The following EXOSC10 variants were observed in gnomAD, a reference collection of about 807,000 sequenced individuals.
EXOSC10 encodes the protein exosome component 10.
A neutral mutation model predicts 126.6 loss-of-function variants in EXOSC10; 94 were observed. The ratio of observed to expected loss-of-function variants is 0.74; its 90% CI spans 0.63 to 0.88. The LOEUF is 0.88. Among genes scored for constraint, EXOSC10 ranks in the 40% least tolerant of loss-of-function variants. EXOSC10 has a pLI of 0.00. For missense variants in EXOSC10, 1,041 were observed against 1,100.5 expected, an observed-to-expected ratio of 0.95 and a Z score of 0.77; for synonymous variants, 395 against 400.8, an observed-to-expected ratio of 0.99 and a Z score of 0.17.
At chr1:11,083,538 G>A (rs1016171863) in intron 9 of EXOSC10, among the ~76,000 whole-genome samples, 1 of 129,024 alleles carries the variant, frequency 7.8e-6, no homozygotes, top group African/African-American at 3.3e-5. Context: ...CTCCAGCCTG[G>A]GCAACAAGAG....
intron 17 of EXOSC10, among the ~76,000 whole-genome samples, chr1:11,074,695 G>A (rs1639715651): frequency 6.6e-6 from 1 of 152,154 alleles, no homozygotes; most frequent in Non-Finnish European, 1.5e-5. Context: ...TTACAGGTGT[G>A]AGCCACCGCA....
intron 3 of EXOSC10, among the ~76,000 whole-genome samples, chr1:11,092,582 A>G (rs1383704830): frequency 6.9e-6 from 1 of 145,370 alleles, no homozygotes; most frequent in African/African-American, 2.6e-5. Context: ...CAGTGGTCCA[A>G]TCTCAGCTTG....
chr1:11,080,347 A>G, intron 13 of EXOSC10, 152 bp downstream of exon 13: 1 of 939,930 alleles, frequency 1.1e-6, no homozygotes, highest in Non-Finnish European at 1.6e-6. Flanking sequence ...GAGGGCAGAA[A>G]TTCTATATTC....
At chr1:11,080,710 T>C in intron 12 of EXOSC10, 54 bp downstream of exon 12, 1 of 1,607,944 alleles carries the variant, frequency 6.2e-7, no homozygotes, top group Non-Finnish European at 8.5e-7. Context: ...ATTTACTTGT[T>C]ATTAGATCTC....
At chr1:11,068,561 T>A in intron 23 of EXOSC10, 84 bp downstream of exon 23, 1 of 1,025,600 alleles carries the variant, frequency 9.8e-7, no homozygotes, top group Non-Finnish European at 1.5e-6. Context: ...AATGGACTCC[T>A]GGATGGGCCT....
intron 10 of EXOSC10, 142 bp from the exon 11 acceptor site, chr1:11,081,380 T>C (rs1640159094): frequency 1.2e-6 from 1 of 863,196 alleles, no homozygotes; most frequent in Non-Finnish European, 1.8e-6. Context: ...TATGCCAACA[T>C]TTCCTGCATT....
In EXOSC10 at chr1:11,079,839, A is replaced by C. The variant is rs779868003; in HGVS notation, c.1638-17T>G. On this transcript the variant is annotated splice_polypyrimidine_tract_variant and intron_variant, in intron 13 of 24. Coordinates refer to ENST00000376936, the MANE Select transcript of EXOSC10 (RefSeq NM_001001998.3). ...TGAGGTTCCCTGAAGACAAGTAAGA[A>C]CACACTCAACTTGTCACTCAGAAAC... 6.3e-7 allele frequency: 1 copy of C among 1,584,180 alleles called. No individual in the cohort carries two copies.
rs1163223523 is a variant in EXOSC10 at position 11,090,676 on chromosome 1, TC to T, written c.644-9del. 6.3e-7 allele frequency: 1 copy of T among 1,581,598 alleles called. No homozygotes were observed. The highest frequency in any genetic ancestry group is 2.2e-5 in the East Asian group (1 of 44,568). ...GCCTTTCCTTAGAGAGAGCTGGGGA[TC>T]CCAGCAGTGACAAAAACATCATTAG... is the stretch of plus-strand genomic sequence containing the variant. On this transcript the variant is annotated splice_polypyrimidine_tract_variant and intron_variant, in intron 5 of 24. Transcript: ENST00000376936.
At chr1:11,074,362 A>C (rs370181644) in intron 17 of EXOSC10, 36 bp from the exon 18 acceptor site, 73 of 1,435,170 alleles carry the variant, frequency 5.1e-5, no homozygotes, top group Non-Finnish European at 6.7e-5. Flanking sequence ...ACTAATGACC[A>C]TGATCATCTG....
At chr1:11,092,368 C>G (rs1006981876) in intron 3 of EXOSC10, among the ~76,000 whole-genome samples, 1 of 152,120 alleles carries the variant, frequency 6.6e-6, no homozygotes, top group Admixed American at 6.6e-5. Flanking sequence ...GCATGCACCA[C>G]CACGCCCAGC....
intron 13 of EXOSC10, 88 bp downstream of exon 13, chr1:11,080,411 T>C (rs1640076316): frequency 6.7e-7 from 1 of 1,501,512 alleles, no homozygotes; most frequent in Non-Finnish European, 9.2e-7. Flanking sequence ...TAAGCAGCCT[T>C]GGGTAATAGC....
In EXOSC10 at chr1:11,087,562, C is replaced by G. The variant is rs1366806726; in HGVS notation, c.975G>C (p.Leu325=). 1 of 1,614,082 alleles carries G rather than the reference C, an allele frequency of 6.2e-7. No homozygotes were observed. The highest frequency in any genetic ancestry group is 1.7e-5 in the Admixed American group (1 of 59,994). The change falls in exon 9 of 25, where the codon CTG becomes CTC. Residue 325 remains leucine (L), a synonymous_variant. Transcript: ENST00000376936. ...EHHSYRSFLG[L]TCLMQISTRT... ...GAGTAGAAATTTGCATCAGGCAGGT[C>G]AGTCCCAGGAAGCTCCTGTAAGAGT...
chr1:11,091,141 G>A lies in EXOSC10; in HGVS notation c.516C>T (p.Phe172=), dbSNP rs2100222358. The part of the protein sequence containing the change: ...EYGKKAKSET[F]RLLHAKNIIR... The stretch of plus-strand genomic sequence containing the variant: ...TGATATTTTTTGCATGAAGCAGCCG[G>A]AAAGTTTCAGATTTTGCTTTTTTGC... The change falls in exon 5 of 25, where the codon TTC becomes TTT. Residue 172 remains phenylalanine (F), a synonymous_variant. Transcript: ENST00000376936. 1 of 1,614,158 alleles carries A rather than the reference G, an allele frequency of 6.2e-7. No individual in the cohort carries two copies. Among genetic ancestry groups the A allele is most frequent in the Non-Finnish European group, 8.5e-7 (1 of 1,180,018 alleles).
intron 6 of EXOSC10, among the ~76,000 whole-genome samples, chr1:11,089,834 C>T (rs558635205): frequency 2.2e-4 from 34 of 152,026 alleles, no homozygotes; most frequent in African/African-American, 6.8e-4. Flanking sequence ...GTCACAGCTA[C>T]TTGGGAGGCA....
At position 11,090,300 on chromosome 1, in the gene EXOSC10, C is replaced by T. The variant is rs553836804; in HGVS notation, c.758+254G>A. Among the ~76,000 whole-genome samples, 212 of 152,234 alleles carry T rather than the reference C, an allele frequency of 1.4e-3. 1 individual carries two copies. The highest frequency in any genetic ancestry group is 4.7e-3 in the African/African-American group (196 of 41,558). ...GGCGTAAGCCACCGCGCCCAGCCTTCGTGTTTTACATCTATAAAATGGGAA... is the reference window on the plus strand; with the variant it reads ...GGCGTAAGCCACCGCGCCCAGCCTTTGTGTTTTACATCTATAAAATGGGAA... On this transcript the variant is annotated intron_variant, in intron 6 of 24. Transcript: ENST00000376936.
rs573478523 is a variant in EXOSC10, at chr1:11,087,717, A to G, written c.945+83T>C. The G allele has an allele frequency of 2.1e-5, 31 of 1,459,186 alleles. No individual in the cohort carries two copies. The South Asian group carries it at 3.7e-4, about 17-fold the overall frequency. 90.4% of individuals were successfully genotyped at this position (1,459,186 alleles called of 1,614,324 possible). On this transcript the variant is annotated intron_variant, in intron 8 of 24. Transcript: ENST00000376936. ...TTAATTTTTTACCAAAAAAAATTAC[A>G]ATTAGTATTAATTTTATACTTCTCC...
At chr1:11,069,525 G>A in intron 22 of EXOSC10, 34 bp downstream of exon 22, 1 of 1,604,150 alleles carries the variant, frequency 6.2e-7, no homozygotes, top group Non-Finnish European at 8.5e-7. Context: ...GACGCGCACA[G>A]ATGTCCCTGT....
intron 21 of EXOSC10, 27 bp from the exon 22 acceptor site, chr1:11,069,757 A>AGGAACAGGGAGGCACATG (rs1274426920): frequency 6.2e-7 from 1 of 1,605,184 alleles, no homozygotes; most frequent in South Asian, 1.1e-5. Context: ...GATGTGGGGG[A>AGGAACAGGGAGGCACATG]GGAACAGGGA....
intron 6 of EXOSC10, among the ~76,000 whole-genome samples, chr1:11,090,290 G>A (rs1028284550): frequency 1.4e-4 from 21 of 152,208 alleles, no homozygotes; most frequent in Non-Finnish European, 2.6e-4. Context: ...AAGCCACCGC[G>A]CCCAGCCTTC....
Sources: allele counts gnomAD v4.1 joint callset (sites outside exome capture counted in the v4.1 genomes callset), GRCh38; gene constraint gnomAD v4.1.1; transcripts MANE v1.5; gene names NCBI Gene and HGNC (gene_info 2026-07-23, HGNC 2026-07-21).